KAT6A: variants seen among roughly 807,000 people sequenced by gnomAD.
The protein encoded by KAT6A is lysine acetyltransferase 6A, also known as histone acetyltransferase KAT6A.
In KAT6A, 9 loss-of-function variants were observed where a neutral mutation model predicts 198.4. The ratio of observed to expected loss-of-function variants is 0.05; its 90% CI spans 0.03 to 0.08. The LOEUF (loss-of-function observed/expected upper bound fraction) is 0.08, where lower values mean the gene tolerates loss of function less well. Among genes scored for constraint, KAT6A ranks in the 10% least tolerant of loss-of-function variants. The probability of loss-of-function intolerance (pLI) is 1.00; values close to 1 mark genes in which losing one functional copy is unlikely to be tolerated. For missense variants in KAT6A, 2,077 were observed against 2,509.9 expected, an observed-to-expected ratio of 0.83 and a Z score of 3.69; for synonymous variants, 890 against 883.0, an observed-to-expected ratio of 1.01 and a Z score of -0.14.
intron 2 of KAT6A, among the ~76,000 whole-genome samples, chr8:42,001,110 T>C (rs749930224): frequency 1.3e-5 from 2 of 152,182 alleles, no homozygotes; most frequent in Non-Finnish European, 2.9e-5. Context: ...TAGTGTAGAA[T>C]GGTTTAAACT....
At chr8:41,978,606 C>T (rs775033457) in intron 6 of KAT6A, 36 bp downstream of exon 6, 4 of 1,607,352 alleles carry the variant, frequency 2.5e-6, no homozygotes, top group Non-Finnish European at 3.4e-6. Flanking sequence ...AGACCCTATC[C>T]TTTTCTCCCC....
Position 41,941,368 on chromosome 8 carries a change from A to G in KAT6A, c.2513T>C (p.Met838Thr), listed in dbSNP as rs376862210. Reference sequence around the variant, plus strand: ...CAAACGTGTAGAACTGACTGGAGCCATAACTTCTGGTTTCTTTTCACTTTC... The same window carrying G: ...CAAACGTGTAGAACTGACTGGAGCCGTAACTTCTGGTTTCTTTTCACTTTC... ...SVESEKKPEVMAPVSSTRLSK... is the reference protein window; with the variant it reads ...SVESEKKPEVTAPVSSTRLSK... The change falls in exon 15 of 17, where the codon ATG becomes ACG. Residue 838 changes from methionine (M) to threonine (T), a missense_variant. Physicochemically the swap from Met to Thr is moderately conservative, Grantham distance 81. This residue lies in a region of KAT6A where 301 missense variants were observed against 272.2 expected (regional missense o/e 1.11). Transcript: ENST00000265713. The G allele has an allele frequency of 6.2e-7, 1 of 1,611,596 alleles. No homozygotes were observed. Among genetic ancestry groups the G allele is most frequent in the Non-Finnish European group, 8.5e-7 (1 of 1,179,950 alleles).
rs1821521611 is a variant in KAT6A at position 41,931,146 on chromosome 8, TAAGA to T, written c.*1055_*1058del. Reference sequence around the variant, plus strand: ...AATGTACAGTCATCCACCAACAATTTAAGAAAGAACCTAAGAGGCAAATCACTGG... The same window carrying T: ...AATGTACAGTCATCCACCAACAATTTAAGAACCTAAGAGGCAAATCACTGG... On this transcript the variant is annotated 3_prime_UTR_variant, in exon 17 of 17. Transcript: ENST00000265713. 4.5e-6 allele frequency: 1 copy of T among 222,360 alleles called. No individual in the cohort carries two copies. Among genetic ancestry groups the T allele is most frequent in the Admixed American group, 5.7e-5 (1 of 17,412 alleles). 13.8% of individuals were successfully genotyped at this position (222,360 alleles called of 1,614,324 possible).
chr8:42,016,868 A>T (rs1051962121), intron 2 of KAT6A, among the ~76,000 whole-genome samples: 1 of 152,116 alleles, frequency 6.6e-6, no homozygotes, highest in Non-Finnish European at 1.5e-5. Flanking sequence ...ATATATTACT[A>T]AACTATCCAA....
At chr8:41,996,938 A>G (rs74496039) in intron 2 of KAT6A, among the ~76,000 whole-genome samples, 3,100 of 152,260 alleles carry the variant, frequency 0.02, 96 homozygotes, top group African/African-American at 0.068. Flanking sequence ...TATATTATAT[A>G]TTATATGATT....
intron 2 of KAT6A, among the ~76,000 whole-genome samples, chr8:42,033,727 G>A (rs977743251): frequency 2.6e-5 from 4 of 152,080 alleles, no homozygotes; most frequent in Non-Finnish European, 4.4e-5. Flanking sequence ...TTACAGAGAC[G>A]ATGTCTGCTT....
intron 2 of KAT6A, among the ~76,000 whole-genome samples, chr8:42,038,143 C>G (rs1030478694): frequency 6.6e-6 from 1 of 152,218 alleles, no homozygotes; most frequent in South Asian, 2.1e-4. Flanking sequence ...TGATCCAAGT[C>G]ACTCAGAGGT....
At chr8:42,047,644 C>T (rs1244483114) in intron 2 of KAT6A, among the ~76,000 whole-genome samples, 3 of 152,102 alleles carry the variant, frequency 2.0e-5, no homozygotes, top group Admixed American at 6.5e-5. Context: ...CTCCTAGGCT[C>T]AAGACATCCT....
chr8:42,006,753 T>C (rs1046253543), intron 2 of KAT6A, among the ~76,000 whole-genome samples: 4 of 152,132 alleles, frequency 2.6e-5, no homozygotes. Context: ...CCCAGCACTT[T>C]AGGAGGCCGA....
chr8:41,946,834 A>G (rs1390926381), intron 11 of KAT6A, 150 bp from the exon 12 acceptor site: 5 of 609,056 alleles, frequency 8.2e-6, no homozygotes, highest in Non-Finnish European at 1.2e-5. Flanking sequence ...CCCAGCTGGG[A>G]GAAGATAGGA....
chr8:42,024,755 TAG>T (rs1296848995), intron 2 of KAT6A, among the ~76,000 whole-genome samples: 3 of 152,218 alleles, frequency 2.0e-5, no homozygotes, highest in Non-Finnish European at 2.9e-5. Context: ...CTGCAAATGA[TAG>T]AGTTTCATTC....
chr8:42,017,907 T>C (rs138881873), intron 2 of KAT6A, among the ~76,000 whole-genome samples: 27 of 152,272 alleles, frequency 1.8e-4, no homozygotes, highest in Non-Finnish European at 2.9e-4. Context: ...TCACCGCACT[T>C]AGAAGTACCT....
chr8:42,014,109 T>C (rs116968974), intron 2 of KAT6A, among the ~76,000 whole-genome samples: 23 of 152,180 alleles, frequency 1.5e-4, no homozygotes, highest in Non-Finnish European at 3.1e-4. Flanking sequence ...TTTTCAACCA[T>C]TTAGAATTGT....
intron 2 of KAT6A, among the ~76,000 whole-genome samples, chr8:42,006,416 G>A (rs894999526): frequency 6.6e-6 from 1 of 152,162 alleles, no homozygotes; most frequent in Non-Finnish European, 1.5e-5. Flanking sequence ...AACATCTTAC[G>A]TTACGTCACC....
chr8:41,935,560 A>T (rs950769622), intron 16 of KAT6A, among the ~76,000 whole-genome samples: 27 of 152,230 alleles, frequency 1.8e-4, no homozygotes, highest in African/African-American at 5.8e-4. Flanking sequence ...TTAGCATTTT[A>T]AAAAAACTAT....
intron 2 of KAT6A, among the ~76,000 whole-genome samples, chr8:42,046,322 G>A (rs1352110616): frequency 6.6e-6 from 1 of 152,084 alleles, no homozygotes; most frequent in African/African-American, 2.4e-5. Flanking sequence ...GATCACTCGA[G>A]GTCAGGAGTT....
chr8:41,986,652 C>T (rs1292458168), intron 3 of KAT6A, among the ~76,000 whole-genome samples: 1 of 151,984 alleles, frequency 6.6e-6, no homozygotes, highest in Non-Finnish European at 1.5e-5. Flanking sequence ...TATTCAAATC[C>T]CTCCCTAGTA....
chr8:41,943,243 C>T (rs976400470), intron 13 of KAT6A, among the ~76,000 whole-genome samples: 6 of 152,178 alleles, frequency 3.9e-5, no homozygotes, highest in African/African-American at 1.2e-4. Flanking sequence ...TCACACGTCC[C>T]GCTCCAGAAG....
chr8:41,949,106 C>G, intron 10 of KAT6A, 116 bp downstream of exon 10: 1 of 605,654 alleles, frequency 1.7e-6, no homozygotes, highest in Non-Finnish European at 2.6e-6. Context: ...ATAATTAGTA[C>G]TTTTTCCATT....
Sources: gnomAD v4.1 joint callset for allele counts (sites outside exome capture counted in the v4.1 genomes callset) on GRCh38, gnomAD v4.1.1 for gene constraint, gnomAD v4.1.1 regional missense constraint, MANE v1.5 for transcripts, NCBI Gene and HGNC (gene_info 2026-07-23, HGNC 2026-07-21) for gene names.